Variants in FBXL13 observed in about 807,000 individuals in gnomAD.
FBXL13 encodes F-box and leucine rich repeat protein 13.
Under a neutral mutation model 83.6 loss-of-function variants are expected in FBXL13, and 67 were observed. The observed-to-expected ratio is 0.80, with a 90% CI of 0.66 to 0.98. The LOEUF (loss-of-function observed/expected upper bound fraction) is 0.98. Ranked by LOEUF, FBXL13 falls within the 50% of genes least tolerant of loss-of-function variation. FBXL13 has a pLI of 0.00. For synonymous variants in FBXL13, 272 were observed against 299.5 expected (o/e 0.91, Z 0.95); for missense variants, 822 against 866.5 (o/e 0.95, Z 0.64).
At chr7:102,921,202 C>A (rs537844020) in intron 10 of FBXL13, among the ~76,000 whole-genome samples, 1 of 152,194 alleles carries the variant, frequency 6.6e-6, no homozygotes, top group South Asian at 2.1e-4. Context: ...TAAAGAATAT[C>A]ATTTTATGTG....
At chr7:102,963,751 T>C (rs1825644635) in intron 7 of FBXL13, 86 bp from the exon 9 acceptor site, 1 of 1,310,702 alleles carries the variant, frequency 7.6e-7, no homozygotes, top group Admixed American at 2.6e-5. Context: ...AAATGTGACC[T>C]AATTAAACTA....
chr7:102,922,835 G>T (rs1346467772), intron 10 of FBXL13, among the ~76,000 whole-genome samples: 1 of 151,986 alleles, frequency 6.6e-6, no homozygotes, highest in Non-Finnish European at 1.5e-5. Flanking sequence ...AAAATTAACT[G>T]GGTGTGGTGG....
At chr7:102,963,004 TA>T (rs1371891989) in intron 8 of FBXL13, among the ~76,000 whole-genome samples, 14 of 126,642 alleles carry the variant, frequency 1.1e-4, no homozygotes, top group Admixed American at 1.5e-4. Flanking sequence ...TATATATATA[TA>T]TAAAAAAAAA....
intron 17 of FBXL13, among the ~76,000 whole-genome samples, chr7:102,839,568 T>G (rs1402471253): frequency 6.6e-6 from 1 of 152,172 alleles, no homozygotes; most frequent in Non-Finnish European, 1.5e-5. Flanking sequence ...TTCTCGTTCC[T>G]CAGCCTCTAG....
intron 6 of FBXL13, among the ~76,000 whole-genome samples, chr7:102,987,656 C>G (rs942135103): frequency 2.6e-5 from 4 of 152,158 alleles, no homozygotes; most frequent in African/African-American, 9.7e-5. Flanking sequence ...TATATTTATT[C>G]CTAAATGAAA....
chr7:102,844,057 G>A (rs1803508776), intron 17 of FBXL13, among the ~76,000 whole-genome samples: 3 of 152,292 alleles, frequency 2.0e-5, no homozygotes, highest in African/African-American at 7.2e-5. Context: ...AAACCAGGCA[G>A]AAAACACAAG....
chr7:102,869,716 C>A (rs531305836), intron 16 of FBXL13, among the ~76,000 whole-genome samples: 18 of 152,258 alleles, frequency 1.2e-4, no homozygotes, highest in African/African-American at 4.3e-4. Context: ...TTTCCCAGCA[C>A]CATTTATTGA....
At chr7:102,844,912 CTTA>C (rs1345902139) in intron 17 of FBXL13, among the ~76,000 whole-genome samples, 2 of 152,108 alleles carry the variant, frequency 1.3e-5, no homozygotes, top group African/African-American at 4.8e-5. Flanking sequence ...TGTTTACCAG[CTTA>C]TTATATAATA....
chr7:102,893,989 GAAAGAAAGAGGAAAGA>G lies in FBXL13; in HGVS notation c.1009-9693_1009-9678del, dbSNP rs539860336. ...GAGAAAGAAAGAAAGAAAGAGGAAA[GAAAGAAAGAGGAAAGA>G]AAAGAAAGAGGAAAGAAAAGAAAAG... On this transcript the variant is annotated intron_variant, in intron 11 of 19. Transcript: ENST00000313221. 6.3e-3 allele frequency among the ~76,000 whole-genome samples: 944 copies of G among 150,522 alleles called. 6 individuals carry two copies. The highest frequency in any genetic ancestry group is 0.011 in the Non-Finnish European group (743 of 67,628).
intron 1 of FBXL13, among the ~76,000 whole-genome samples, chr7:103,065,463 C>T (rs1224780997): frequency 6.6e-6 from 1 of 152,142 alleles, no homozygotes; most frequent in African/African-American, 2.4e-5. Context: ...TTCTCATGTC[C>T]CTCTCCAGTT....
At chr7:102,936,773 C>T (rs1290884374) in intron 8 of FBXL13, among the ~76,000 whole-genome samples, 1 of 152,128 alleles carries the variant, frequency 6.6e-6, no homozygotes, top group African/African-American at 2.4e-5. Flanking sequence ...GAGAAAAATA[C>T]CATCTATACA....
chr7:102,854,896 A>G (rs961791104), intron 16 of FBXL13, 36 bp from the exon 18 acceptor site: 1 of 1,210,618 alleles, frequency 8.3e-7, no homozygotes, highest in African/African-American at 1.5e-5. Context: ...TTTTGTGATT[A>G]TCATTTAGTA....
chr7:103,000,534 A>G (rs889380109), intron 6 of FBXL13, among the ~76,000 whole-genome samples: 1 of 152,202 alleles, frequency 6.6e-6, no homozygotes, highest in Admixed American at 6.5e-5. Flanking sequence ...AATGCTTTAC[A>G]TGCTAAAGAA....
chr7:102,971,842 A>G (rs111673849), intron 6 of FBXL13, among the ~76,000 whole-genome samples: 5,458 of 151,942 alleles, frequency 0.036, 299 homozygotes, highest in African/African-American at 0.13. Context: ...CCTGGCCAAC[A>G]TGGCAAAACC....
At chr7:102,900,169 T>C (rs1158112880) in intron 11 of FBXL13, among the ~76,000 whole-genome samples, 1 of 152,234 alleles carries the variant, frequency 6.6e-6, no homozygotes, top group Non-Finnish European at 1.5e-5. Flanking sequence ...CTAAGAAATA[T>C]AGTTAAACTT....
At chr7:103,037,212 A>G (rs1182436632) in intron 2 of FBXL13, among the ~76,000 whole-genome samples, 2 of 152,340 alleles carry the variant, frequency 1.3e-5, no homozygotes, top group African/African-American at 4.8e-5. Flanking sequence ...GCCTTATCAG[A>G]TAACAGTAAT....
chr7:102,883,141 A>G (rs1244297287), intron 14 of FBXL13, among the ~76,000 whole-genome samples, 164 bp downstream of exon 15: 1 of 151,354 alleles, frequency 6.6e-6, no homozygotes, highest in Non-Finnish European at 1.5e-5. Context: ...CTGGGTTGGG[A>G]GCCCCTCTTT....
rs372828276 is a variant in FBXL13, at chr7:102,931,967, A to G, written c.725-34T>C. 8 of 1,598,274 alleles carry G rather than the reference A, an allele frequency of 5.0e-6. No homozygotes were observed. The Admixed American group carries it at 1.0e-4, about 20-fold the overall frequency. On this transcript the variant is annotated intron_variant, in intron 8 of 19. Transcript: ENST00000313221. ...AATAAGTTACACGTCACTAAACTAC[A>G]TATTGCAAATGTTTAAACAAAGTTT...
chr7:102,948,865 C>T (rs1406078575), intron 8 of FBXL13, among the ~76,000 whole-genome samples: 1 of 152,132 alleles, frequency 6.6e-6, no homozygotes, highest in Non-Finnish European at 1.5e-5. Context: ...TTGCACATCA[C>T]CATACCTGGC....
Sources: gnomAD v4.1 joint callset for allele counts (sites outside exome capture counted in the v4.1 genomes callset) on GRCh38, gnomAD v4.1.1 for gene constraint, MANE v1.5 for transcripts, NCBI Gene and HGNC (gene_info 2026-07-23, HGNC 2026-07-21) for gene names.